DYNC2I1: variants seen among roughly 807,000 people sequenced by gnomAD.
DYNC2I1 encodes cytoplasmic dynein 2 intermediate chain 1.
Under a neutral mutation model 133.4 loss-of-function variants are expected in DYNC2I1, and 89 were observed. The observed-to-expected ratio is 0.67, with a 90% CI of 0.56 to 0.80. DYNC2I1 has a LOEUF of 0.80. Ranked by LOEUF, DYNC2I1 falls within the 30% of genes least tolerant of loss-of-function variation. DYNC2I1 has a pLI of 0.00. For synonymous variants in DYNC2I1, 504 were observed against 484.3 expected (o/e 1.04, Z -0.54); for missense variants, 1,291 against 1,314.5 (o/e 0.98, Z 0.28).
the DYNC2I1 span, among the ~76,000 whole-genome samples, chr7:158,839,343 T>G: frequency 2.1e-5 from 3 of 144,232 alleles, no homozygotes; most frequent in Admixed American, 6.9e-5. Flanking sequence ...CTGCAAAACC[T>G]AAAGAGGATG....
chr7:158,863,877 G>A (rs1349426647), intron 1 of DYNC2I1, among the ~76,000 whole-genome samples: 2 of 126,228 alleles, frequency 1.6e-5, no homozygotes, highest in Non-Finnish European at 3.3e-5. Context: ...AGGGGGGAGC[G>A]GGACGTCCTT....
chr7:158,855,758 T>C (rs1219238911), upstream of DYNC2I1, among the ~76,000 whole-genome samples: 1 of 152,184 alleles, frequency 6.6e-6, no homozygotes, highest in Non-Finnish European at 1.5e-5. Context: ...CAGCCCTAAC[T>C]TTCCCTTTGG....
chr7:158,907,715 C>T (rs1846987896), intron 11 of DYNC2I1, among the ~76,000 whole-genome samples: 3 of 152,062 alleles, frequency 2.0e-5, no homozygotes, highest in Admixed American at 6.6e-5. Context: ...GCTCAGGTGA[C>T]CCTCCACCTC....
chr7:158,910,799 G>A (rs1285717212), intron 11 of DYNC2I1, among the ~76,000 whole-genome samples: 1 of 150,120 alleles, frequency 6.7e-6, no homozygotes, highest in African/African-American at 2.5e-5. Flanking sequence ...TGTGCGCAGG[G>A]CGATTGGCTG....
At chr7:158,884,169 C>T (rs1204552550) in intron 5 of DYNC2I1, among the ~76,000 whole-genome samples, 3 of 151,636 alleles carry the variant, frequency 2.0e-5, no homozygotes, top group Non-Finnish European at 2.9e-5. Context: ...CTCAGCCTCC[C>T]GAGTAGCTGG....
chr7:158,930,580 A>G (rs763510973), intron 21 of DYNC2I1, 65 bp downstream of exon 21: 113 of 1,365,566 alleles, frequency 8.3e-5, no homozygotes, highest in Non-Finnish European at 1.1e-4. Flanking sequence ...ACATTGGGGA[A>G]TTGCATATAC....
chr7:158,874,468 A>G (rs1245968712), intron 3 of DYNC2I1, among the ~76,000 whole-genome samples: 1 of 152,180 alleles, frequency 6.6e-6, no homozygotes, highest in Non-Finnish European at 1.5e-5. Flanking sequence ...TTGCAATCAA[A>G]TCTTTTGTTC....
chr7:158,906,863 C>A (rs530961286), intron 11 of DYNC2I1, among the ~76,000 whole-genome samples: 1 of 152,186 alleles, frequency 6.6e-6, no homozygotes, highest in African/African-American at 2.4e-5. Context: ...ATGAAAAAAT[C>A]AATCATTAAT....
chr7:158,947,827 C>T (rs111256585), downstream of DYNC2I1, among the ~76,000 whole-genome samples: 89 of 152,370 alleles, frequency 5.8e-4, no homozygotes, highest in African/African-American at 2.0e-3. Flanking sequence ...GTGTCTGACG[C>T]GCTGCCTCGG....
chr7:158,922,816 G>T (rs140849742), intron 16 of DYNC2I1, among the ~76,000 whole-genome samples: 355 of 152,326 alleles, frequency 2.3e-3, no homozygotes, highest in Admixed American at 5.0e-3. Context: ...AATGGAGGTG[G>T]TTGTAGGCTG....
chr7:158,913,057 TG>T lies in DYNC2I1; in HGVS notation c.1665del (p.Trp555Ter). 6.2e-7 allele frequency: 1 copy of T among 1,613,636 alleles called. No individual in the cohort carries two copies. The highest frequency in any genetic ancestry group is 1.1e-5 in the South Asian group (1 of 91,010). On this transcript the variant is annotated frameshift_variant, in exon 13 of 25. Transcript: ENST00000407559. LOFTEE classifies it high-confidence loss of function. ...QTEEIETREV[W>X]TQHPGESTVV... ...GGAGGAAATAGAGACCAGGGAAGTG[TG>T]GACCCAGCACCCGGGAGAAAGTACT...
At chr7:158,856,808 C>A (rs1005965303) in intron 1 of DYNC2I1, 58 bp downstream of exon 1, 3 of 1,229,928 alleles carry the variant, frequency 2.4e-6, no homozygotes, top group Non-Finnish European at 3.0e-6. Context: ...CTCCTTCGGG[C>A]GCCGCTAGCA....
At chr7:158,902,732 A>G in intron 10 of DYNC2I1, 137 bp downstream of exon 10, 1 of 756,782 alleles carries the variant, frequency 1.3e-6, no homozygotes, top group Non-Finnish European at 2.1e-6. Flanking sequence ...TGGTGGTGCC[A>G]TGCCCTTGCA....
chr7:158,936,368 C>T (rs1317472524), intron 23 of DYNC2I1, among the ~76,000 whole-genome samples: 1 of 152,008 alleles, frequency 6.6e-6, no homozygotes, highest in East Asian at 1.9e-4. Context: ...GTTCCTGGGG[C>T]CACAGAGAGT....
the DYNC2I1 span, among the ~76,000 whole-genome samples, chr7:158,850,168 G>A: frequency 4.6e-3 from 700 of 152,320 alleles, 9 homozygotes; most frequent in African/African-American, 0.016. Flanking sequence ...AGGCTACAGA[G>A]ACACCTGGGT....
In DYNC2I1 at chr7:158,925,741, C is replaced by T. The variant is rs537788776; in HGVS notation, c.2258-446C>T. ...CTTGCTGGCAGTTGTGAGGTGTGTG[C>T]GGAGGTCTCCCCCATTTCCTGTTCA... On this transcript the variant is annotated intron_variant, in intron 17 of 24. Transcript: ENST00000407559. 5.9e-5 allele frequency among the ~76,000 whole-genome samples: 9 copies of T among 152,178 alleles called. No individual in the cohort carries two copies. In the South Asian group the frequency reaches 6.2e-4, roughly 11 times the overall value.
At chr7:158,921,504 A>C (rs1849088511) in intron 15 of DYNC2I1, among the ~76,000 whole-genome samples, 2 of 152,204 alleles carry the variant, frequency 1.3e-5, no homozygotes, top group African/African-American at 4.8e-5. Flanking sequence ...ACCTCATCCC[A>C]CTAAAAACAA....
At chr7:158,856,506 C>A, upstream of DYNC2I1, 1 of 401,130 alleles carries the variant, frequency 2.5e-6, no homozygotes, top group Middle Eastern at 6.4e-4. Flanking sequence ...CTCGGCCTTC[C>A]CCTGCTCCTG....
At chr7:158,886,455 A>G (rs1019699657) in intron 6 of DYNC2I1, among the ~76,000 whole-genome samples, 7 of 152,084 alleles carry the variant, frequency 4.6e-5, no homozygotes, top group African/African-American at 7.2e-5. Context: ...AAGGATGTAG[A>G]TTTGCACTCA....
Sources: gnomAD v4.1 joint callset for allele counts (sites outside exome capture counted in the v4.1 genomes callset) on GRCh38, gnomAD v4.1.1 for gene constraint, MANE v1.5 for transcripts, NCBI Gene and HGNC (gene_info 2026-07-23, HGNC 2026-07-21) for gene names.